The following RNF144B variants were observed in gnomAD, a reference collection of about 807,000 sequenced individuals.
The protein encoded by RNF144B is E3 ubiquitin-protein ligase RNF144B.
Under a neutral mutation model 40.2 loss-of-function variants are expected in RNF144B, and 25 were observed. The ratio of observed to expected loss-of-function variants is 0.62; its 90% CI spans 0.45 to 0.87. The LOEUF (loss-of-function observed/expected upper bound fraction) is 0.87, where lower values mean the gene tolerates loss of function less well. Ranked by LOEUF, RNF144B falls within the 40% of genes least tolerant of loss-of-function variation. The pLI, the probability that RNF144B is intolerant of heterozygous loss-of-function variation, is 0.00. For missense variants in RNF144B, 365 were observed against 373.7 expected, an observed-to-expected ratio of 0.98 and a Z score of 0.19; for synonymous variants, 145 against 136.3, an observed-to-expected ratio of 1.06 and a Z score of -0.44.
Position 18,422,404 on chromosome 6 carries a change from A to C in RNF144B, c.166-5177A>C, listed in dbSNP as rs1309187700. On this transcript the variant is annotated intron_variant, in intron 2 of 7. Coordinates refer to ENST00000259939, the MANE Select transcript of RNF144B (RefSeq NM_182757.4). This position sits in a 1 kb window ranked among gnomAD's most constrained non-coding sequence, Gnocchi z 4.7. ...GCAGGGAAATGTTAGTCTACATTTTATGGAATATGTACTTCAGTGTTTGCA... is the reference window on the plus strand; with the variant it reads ...GCAGGGAAATGTTAGTCTACATTTTCTGGAATATGTACTTCAGTGTTTGCA... Among the ~76,000 whole-genome samples the C allele has an allele frequency of 6.6e-6, 1 of 152,200 alleles. No individual in the cohort carries two copies. The highest frequency in any genetic ancestry group is 2.4e-5 in the African/African-American group (1 of 41,466).
At position 18,421,267 on chromosome 6, in the gene RNF144B, A is replaced by G. The variant is rs1395103806; in HGVS notation, c.166-6314A>G. Among the ~76,000 whole-genome samples the G allele has an allele frequency of 6.1e-5, 8 of 130,154 alleles. 1 individual carries two copies. In the Admixed American group the frequency reaches 6.3e-4, roughly 10 times the overall value. The allele number at this position is 130,154 out of a possible 152,430, so 85.4% of individuals were successfully genotyped here. On this transcript the variant is annotated intron_variant, in intron 2 of 7. Transcript: ENST00000259939. ...AAACCATCTCAAAAAAAAAAATTAT[A>G]TATTATACACACACACACACACACA... is the stretch of plus-strand genomic sequence containing the variant.
At position 18,410,354 on chromosome 6, in the gene RNF144B, T is replaced by G. The variant is rs755704078; in HGVS notation, c.165+10655T>G. Among the ~76,000 whole-genome samples, 1 of 152,206 alleles carries G rather than the reference T, an allele frequency of 6.6e-6. No homozygotes were observed. Among genetic ancestry groups the G allele is most frequent in the South Asian group, 2.1e-4 (1 of 4,832 alleles). ...TCAGACACAACCAGCCCTGCTGTTA[T>G]GTGGGCAGTAGACCCTCTGATAAAG... On this transcript the variant is annotated intron_variant, in intron 2 of 7. Transcript: ENST00000259939. The surrounding 1 kb of genome is among the most constrained non-coding windows in gnomAD (Gnocchi z 4.6).
rs949285896 is a variant in RNF144B at position 18,450,501 on chromosome 6, G to A, written c.332-6654G>A. Reference sequence around the variant, plus strand: ...TTAGTAGAGAAGGTGTTTTCACTATGTTGGCCAGGCTGGTCTCGAACTCCT... The same window carrying A: ...TTAGTAGAGAAGGTGTTTTCACTATATTGGCCAGGCTGGTCTCGAACTCCT... On this transcript the variant is annotated intron_variant, in intron 4 of 7. Coordinates refer to ENST00000259939, the MANE Select transcript of RNF144B (RefSeq NM_182757.4). This position sits in a 1 kb window ranked among gnomAD's most constrained non-coding sequence, Gnocchi z 4.7. Among the ~76,000 whole-genome samples the A allele has an allele frequency of 2.0e-5, 3 of 152,106 alleles. No homozygotes were observed. The highest frequency in any genetic ancestry group is 4.8e-5 in the African/African-American group (2 of 41,428).
At position 18,419,656 on chromosome 6, in the gene RNF144B, G is replaced by T. The variant is rs1055418399; in HGVS notation, c.166-7925G>T. On this transcript the variant is annotated intron_variant, in intron 2 of 7. Transcript: ENST00000259939. This position sits in a 1 kb window ranked among gnomAD's most constrained non-coding sequence, Gnocchi z 4.6. The stretch of plus-strand genomic sequence containing the variant: ...TGAGAGGTTGGGAAGGAAGAAATGT[G>T]TACTGGATTCAGTGACCTAGAGCCA... Among the ~76,000 whole-genome samples, 4 of 152,118 alleles carry T rather than the reference G, an allele frequency of 2.6e-5. No homozygotes were observed. The highest frequency in any genetic ancestry group is 9.7e-5 in the African/African-American group (4 of 41,428).
At position 18,405,150 on chromosome 6, in the gene RNF144B, T is replaced by TTTAATATTATTA; in HGVS notation, c.165+5454_165+5455insATATTATTATTA. ...CTTGCTTGCAAGGTTAGTTTTTTTC[T>TTTAATATTATTA]TTATTATTATTATTATTATTATTAT... On this transcript the variant is annotated intron_variant, in intron 2 of 7. Coordinates refer to ENST00000259939, the MANE Select transcript of RNF144B (RefSeq NM_182757.4). The surrounding 1 kb of genome is among the most constrained non-coding windows in gnomAD (Gnocchi z 4.5). Among the ~76,000 whole-genome samples, 1 of 146,244 alleles carries TTTAATATTATTA rather than the reference T, an allele frequency of 6.8e-6. No homozygotes were observed. Among genetic ancestry groups the TTTAATATTATTA allele is most frequent in the East Asian group, 2.0e-4 (1 of 5,042 alleles).
chr6:18,439,451 G>A (rs1758907144), intron 3 of RNF144B, among the ~76,000 whole-genome samples: 1 of 152,166 alleles, frequency 6.6e-6, no homozygotes, highest in African/African-American at 2.4e-5. Flanking sequence ...GGTGATCAAT[G>A]AGTTTTGTAA....
At position 18,414,249 on chromosome 6, in the gene RNF144B, C is replaced by G. The variant is rs970949901; in HGVS notation, c.166-13332C>G. ...TTTTCTACTTTTTCAGAGTTCAGTT[C>G]TCTTAAATCTAAGAGATTCTCTTTT... On this transcript the variant is annotated intron_variant, in intron 2 of 7. Transcript: ENST00000259939. This position sits in a 1 kb window ranked among gnomAD's most constrained non-coding sequence, Gnocchi z 4.9. Among the ~76,000 whole-genome samples the G allele has an allele frequency of 6.6e-6, 1 of 152,144 alleles. No homozygotes were observed. The highest frequency in any genetic ancestry group is 2.4e-5 in the African/African-American group (1 of 41,434).
chr6:18,409,725 C>T (rs1794996703), intron 2 of RNF144B, among the ~76,000 whole-genome samples: 1 of 151,848 alleles, frequency 6.6e-6, no homozygotes, highest in African/African-American at 2.4e-5. Context: ...CAGGTGCCAT[C>T]ATGCTGGCTA....
intron 6 of RNF144B, among the ~76,000 whole-genome samples, chr6:18,462,886 A>C (rs575529200): frequency 5.3e-5 from 8 of 151,912 alleles, no homozygotes; most frequent in Non-Finnish European, 1.0e-4. Flanking sequence ...TTACTTTCTT[A>C]ATATCTGAGG....
intron 2 of RNF144B, among the ~76,000 whole-genome samples, chr6:18,405,000 T>C (rs1794868589): frequency 1.3e-5 from 2 of 152,064 alleles, no homozygotes; most frequent in Non-Finnish European, 2.9e-5. Flanking sequence ...TGCCAACCTT[T>C]CCCAAAGCTT....
intron 1 of RNF144B, chr6:18,396,840 T>C (rs1248435456): frequency 3.0e-5 from 30 of 984,774 alleles, no homozygotes; most frequent in Non-Finnish European, 3.6e-5. Flanking sequence ...CATTCATTTT[T>C]ACCCGTATGT....
chr6:18,398,988 C>T lies in RNF144B; in HGVS notation c.-36-511C>T, dbSNP rs1260847794. ...TCATTAAGGTATAATTGACAAATTACATTTGCAGTATACAATGTGATGTTT... is the reference window on the plus strand; with the variant it reads ...TCATTAAGGTATAATTGACAAATTATATTTGCAGTATACAATGTGATGTTT... On this transcript the variant is annotated intron_variant, in intron 1 of 7. Coordinates refer to ENST00000259939, the MANE Select transcript of RNF144B (RefSeq NM_182757.4). This position sits in a 1 kb window ranked among gnomAD's most constrained non-coding sequence, Gnocchi z 5.0. Among the ~76,000 whole-genome samples the T allele has an allele frequency of 6.6e-6, 1 of 152,162 alleles. No individual in the cohort carries two copies. The highest frequency in any genetic ancestry group is 1.9e-4 in the East Asian group (1 of 5,194).
intron 2 of RNF144B, among the ~76,000 whole-genome samples, chr6:18,417,642 A>G (rs1795170571): frequency 6.6e-6 from 1 of 152,168 alleles, no homozygotes; most frequent in African/African-American, 2.4e-5. Flanking sequence ...AAAACATAGG[A>G]AAATAGAAAA....
chr6:18,443,081 T>C lies in RNF144B; in HGVS notation c.331+3337T>C, dbSNP rs2113519193. On this transcript the variant is annotated intron_variant, in intron 4 of 7. Coordinates refer to ENST00000259939, the MANE Select transcript of RNF144B (RefSeq NM_182757.4). The surrounding 1 kb of genome is among the most constrained non-coding windows in gnomAD (Gnocchi z 4.7). ...TACGGGATCATGTGGTAATTTTACATTTAGTTTTTGAGGAACTGCCAAATT... is the reference window on the plus strand; with the variant it reads ...TACGGGATCATGTGGTAATTTTACACTTAGTTTTTGAGGAACTGCCAAATT... Among the ~76,000 whole-genome samples, 1 of 152,252 alleles carries C rather than the reference T, an allele frequency of 6.6e-6. No individual in the cohort carries two copies. Among genetic ancestry groups the C allele is most frequent in the Middle Eastern group, 3.4e-3 (1 of 294 alleles).
rs1226957582 is a variant in RNF144B, at chr6:18,458,302, C to T, written c.536+943C>T. Among the ~76,000 whole-genome samples, 3 of 152,138 alleles carry T rather than the reference C, an allele frequency of 2.0e-5. No individual in the cohort carries two copies. Among genetic ancestry groups the T allele is most frequent in the Admixed American group, 2.0e-4 (3 of 15,272 alleles). ...GAGAGACCTCTGTGTTTCATTCCTG[C>T]TTTGCTTGAGGCTATCGTTGTTCTG... On this transcript the variant is annotated intron_variant, in intron 5 of 7. Transcript: ENST00000259939. This position sits in a 1 kb window ranked among gnomAD's most constrained non-coding sequence, Gnocchi z 4.8.
Position 18,465,059 on chromosome 6 carries a change from A to G in RNF144B, c.904A>G (p.Thr302Ala). The change falls in exon 8 of 8, where the codon ACA becomes GCA. Residue 302 changes from threonine to alanine, a missense_variant. Thr to Ala is a moderately conservative substitution (Grantham distance 58, BLOSUM62 0). Transcript: ENST00000259939. ...RGKKKKHDPSTT is the reference protein window; with the variant it reads ...RGKKKKHDPSAT ...CAAGAAGAAAAAGCACGACCCATCC[A>G]CAACCTAAAGATCTCTGTGTTCATA... 6.2e-7 allele frequency: 1 copy of G among 1,613,674 alleles called. No individual in the cohort carries two copies.
rs1758772112 is a variant in RNF144B at position 18,434,517 on chromosome 6, A to G, written c.271-5167A>G. 6.6e-6 allele frequency among the ~76,000 whole-genome samples: 1 copy of G among 152,182 alleles called. No individual in the cohort carries two copies. The highest frequency in any genetic ancestry group is 2.4e-5 in the African/African-American group (1 of 41,454). ...AATCACAGTTGTGTGTAACAGTTAC[A>G]GCACTCCCGTGTGTAGGTGTGGTCT... is the stretch of plus-strand genomic sequence containing the variant. On this transcript the variant is annotated intron_variant, in intron 3 of 7. Coordinates refer to ENST00000259939, the MANE Select transcript of RNF144B (RefSeq NM_182757.4). The surrounding 1 kb of genome is among the most constrained non-coding windows in gnomAD (Gnocchi z 4.1).
Position 18,448,265 on chromosome 6 carries a change from G to T in RNF144B, c.331+8521G>T, listed in dbSNP as rs532802227. On this transcript the variant is annotated intron_variant, in intron 4 of 7. Transcript: ENST00000259939. The surrounding 1 kb of genome is among the most constrained non-coding windows in gnomAD (Gnocchi z 4.0). ...AAATCCTTGAGAGTGTGAGGGGAACGGATTTCAGTGCCAGATGGAGGGATT... is the reference window on the plus strand; with the variant it reads ...AAATCCTTGAGAGTGTGAGGGGAACTGATTTCAGTGCCAGATGGAGGGATT... 6.6e-6 allele frequency among the ~76,000 whole-genome samples: 1 copy of T among 151,918 alleles called. No homozygotes were observed. Among genetic ancestry groups the T allele is most frequent in the East Asian group, 1.9e-4 (1 of 5,178 alleles).
rs11330587 is a variant in RNF144B, at chr6:18,400,272, CAAA to C, written c.165+588_165+590del. 8.7e-6 allele frequency among the ~76,000 whole-genome samples: 1 copy of C among 115,272 alleles called. No homozygotes were observed. Among genetic ancestry groups the C allele is most frequent in the Admixed American group, 8.6e-5 (1 of 11,680 alleles). 75.6% of individuals were successfully genotyped at this position (115,272 alleles called of 152,430 possible). On this transcript the variant is annotated intron_variant, in intron 2 of 7. Transcript: ENST00000259939. This position sits in a 1 kb window ranked among gnomAD's most constrained non-coding sequence, Gnocchi z 5.6. ...TGGGCGACAGAGCGAGACTCTGTCT[CAAA>C]AAAAAAAAAAAAAATTTAACATGCT...
Sources: gnomAD v4.1 joint callset for allele counts (sites outside exome capture counted in the v4.1 genomes callset) on GRCh38, gnomAD v4.1.1 for gene constraint, Gnocchi (gnomAD v3.1) non-coding constraint, MANE v1.5 for transcripts, NCBI Gene and HGNC (gene_info 2026-07-23, HGNC 2026-07-21) for gene names.